Variants in GRXCR2 observed in about 807,000 individuals in gnomAD.
GRXCR2 encodes the protein glutaredoxin and cysteine rich domain containing 2.
GRXCR2 carries 23 observed loss-of-function variants against 24.8 expected under a neutral mutation model. The ratio of observed to expected loss-of-function variants is 0.93; its 90% CI spans 0.67 to 1.32. GRXCR2 has a LOEUF of 1.32. GRXCR2 is among the 40% of genes most tolerant of loss of function. The pLI is 0.00. For missense variants in GRXCR2, 315 were observed against 303.4 expected (o/e 1.04, Z -0.28); for synonymous variants, 130 against 116.1 (o/e 1.12, Z -0.77).
At chr5:145,923,941 G>T (rs569331390) in intron 2 of GRXCR2, among the ~76,000 whole-genome samples, 2 of 152,044 alleles carry the variant, frequency 1.3e-5, no homozygotes, top group East Asian at 1.9e-4. Context: ...CTTTGTGAGC[G>T]TTTCTCTTGA....
chr5:145,888,970 T>A (rs1045715634), intron 2 of GRXCR2, among the ~76,000 whole-genome samples: 4 of 151,856 alleles, frequency 2.6e-5, no homozygotes, highest in Non-Finnish European at 5.9e-5. Flanking sequence ...GGCCAGGAGT[T>A]TGAGACCAGC....
chr5:145,872,507 T>C, intron 1 of GRXCR2, 126 bp downstream of exon 1: 2 of 671,358 alleles, frequency 3.0e-6, no homozygotes, highest in Middle Eastern at 2.6e-4. Context: ...TCCCATTTGG[T>C]GCACCAACAG....
At chr5:145,900,014 A>G (rs952320961) in intron 2 of GRXCR2, among the ~76,000 whole-genome samples, 1 of 152,212 alleles carries the variant, frequency 6.6e-6, no homozygotes, top group Non-Finnish European at 1.5e-5. Flanking sequence ...TGCATCCGAC[A>G]AAGTTTTAAC....
rs200072851 is a variant in GRXCR2 at position 145,866,745 on chromosome 5, T to C, written c.337-17A>G. On this transcript the variant is annotated splice_polypyrimidine_tract_variant and intron_variant, in intron 1 of 2. Coordinates refer to ENST00000377976, the MANE Select transcript of GRXCR2 (RefSeq NM_001080516.2). ...AGGTAGGGGCTAGAGAAATGGAGAA[T>C]GAGCATGGAAACTTTACCACCAATC... The C allele has an allele frequency of 2.7e-5, 42 of 1,530,076 alleles. No individual in the cohort carries two copies. The Middle Eastern group carries it at 1.2e-3, about 43-fold the overall frequency. 94.8% of individuals were successfully genotyped at this position (1,530,076 alleles called of 1,614,324 possible).
At chr5:145,876,191 G>GTGTATATATATATATATA (rs1412232264), upstream of GRXCR2, among the ~76,000 whole-genome samples, 25 of 105,292 alleles carry the variant, frequency 2.4e-4, no homozygotes, top group African/African-American at 7.8e-4. Context: ...GTGTGTGTGT[G>GTGTATATATATATATATA]TATATATATA....
chr5:145,909,674 T>G (rs1262830805), intron 2 of GRXCR2, among the ~76,000 whole-genome samples: 1 of 152,226 alleles, frequency 6.6e-6, no homozygotes, highest in Non-Finnish European at 1.5e-5. Flanking sequence ...CCTAGAATAG[T>G]GCCTGGCACA....
chr5:145,882,556 CT>C lies in GRXCR2; in HGVS notation c.-69-15829del, dbSNP rs535939099. Among the ~76,000 whole-genome samples the C allele has an allele frequency of 5.9e-4, 89 of 152,058 alleles. 1 individual carries two copies. Among genetic ancestry groups the C allele is most frequent in the Non-Finnish European group, 7.8e-4 (53 of 68,010 alleles). ...GAGAGGATGTGGAGAAATAGGAACA[CT>C]TTTTACACTGTTGGTGGGACTGTAA... On this transcript the variant is annotated intron_variant, in intron 2 of 3. Transcript: ENST00000639411.
intron 2 of GRXCR2, among the ~76,000 whole-genome samples, chr5:145,909,597 C>T (rs1272022255): frequency 6.6e-6 from 1 of 152,114 alleles, no homozygotes; most frequent in African/African-American, 2.4e-5. Context: ...CATTAGCTTG[C>T]TTGTTTGGTT....
intron 2 of GRXCR2, among the ~76,000 whole-genome samples, chr5:145,927,532 T>C (rs1418403142): frequency 6.6e-6 from 1 of 152,236 alleles, no homozygotes; most frequent in Non-Finnish European, 1.5e-5. Context: ...GGATTACGTT[T>C]ATTGATTTGC....
chr5:145,925,948 C>A lies in GRXCR2; in HGVS notation c.-70+9753G>T, dbSNP rs1490722626. On this transcript the variant is annotated intron_variant, in intron 2 of 3. Transcript: ENST00000639411. ...CTTGGGGAATTACTGAATTTTGCAA[C>A]TTTCTCACTTGTGTGACAAAAAAAA... Among the ~76,000 whole-genome samples the A allele has an allele frequency of 3.9e-5, 6 of 152,008 alleles. No individual in the cohort carries two copies. The East Asian group carries it at 1.2e-3, about 29-fold the overall frequency.
intron 2 of GRXCR2, among the ~76,000 whole-genome samples, chr5:145,901,600 G>A (rs1216792544): frequency 6.6e-6 from 1 of 152,046 alleles, no homozygotes; most frequent in African/African-American, 2.4e-5. Context: ...GCAGGGTAAA[G>A]GGGATTGGGA....
intron 2 of GRXCR2, among the ~76,000 whole-genome samples, chr5:145,879,384 A>G (rs2149914781): frequency 6.6e-6 from 1 of 152,034 alleles, no homozygotes; most frequent in East Asian, 1.9e-4. Flanking sequence ...AAAAAAAAAA[A>G]AAGCAGGGGT....
At chr5:145,903,059 C>T (rs1757045254) in intron 2 of GRXCR2, among the ~76,000 whole-genome samples, 1 of 152,142 alleles carries the variant, frequency 6.6e-6, no homozygotes, top group Admixed American at 6.6e-5. Context: ...CAAATAAGCA[C>T]TGACTAAATA....
chr5:145,879,767 T>C (rs1033602074), intron 2 of GRXCR2, among the ~76,000 whole-genome samples: 2 of 152,122 alleles, frequency 1.3e-5, no homozygotes, highest in Admixed American at 6.6e-5. Context: ...CAGCACCACA[T>C]TGCACTTATT....
chr5:145,928,469 C>G (rs1472852884), intron 2 of GRXCR2, among the ~76,000 whole-genome samples: 1 of 152,086 alleles, frequency 6.6e-6, no homozygotes, highest in Admixed American at 6.6e-5. Flanking sequence ...TTTATTGCGG[C>G]ACTATTCACA....
At chr5:145,907,580 C>A (rs906298164) in intron 2 of GRXCR2, among the ~76,000 whole-genome samples, 3 of 151,662 alleles carry the variant, frequency 2.0e-5, no homozygotes, top group Non-Finnish European at 4.4e-5. Context: ...GCTGCCACAT[C>A]GAGTATAAAG....
In GRXCR2 at chr5:145,859,694, G is replaced by A; in HGVS notation, c.*39C>T. 6.3e-7 allele frequency: 1 copy of A among 1,599,146 alleles called. No homozygotes were observed. The highest frequency in any genetic ancestry group is 8.6e-7 in the Non-Finnish European group (1 of 1,166,634). On this transcript the variant is annotated 3_prime_UTR_variant, in exon 3 of 3. Coordinates refer to ENST00000377976, the MANE Select transcript of GRXCR2 (RefSeq NM_001080516.2). ...GGGCGGTTTATTAGAAATAACTTTA[G>A]GGAGGGTAAGATAACAGTGGACATG...
intron 2 of GRXCR2, among the ~76,000 whole-genome samples, chr5:145,897,354 C>G (rs1374960858): frequency 6.6e-6 from 1 of 151,690 alleles, no homozygotes; most frequent in African/African-American, 2.4e-5. Flanking sequence ...ACTTAAACAG[C>G]CACACTTAAT....
At chr5:145,920,416 C>T (rs1007487707) in intron 2 of GRXCR2, among the ~76,000 whole-genome samples, 1 of 152,178 alleles carries the variant, frequency 6.6e-6, no homozygotes, top group Admixed American at 6.5e-5. Context: ...AGCACCCTTG[C>T]CTTACTTCAC....
Sources: gnomAD v4.1 joint callset for allele counts (sites outside exome capture counted in the v4.1 genomes callset) on GRCh38, gnomAD v4.1.1 for gene constraint, MANE v1.5 for transcripts, NCBI Gene and HGNC (gene_info 2026-07-23, HGNC 2026-07-21) for gene names.